The following NTRK2 variants were observed in gnomAD, a reference collection of about 807,000 sequenced individuals.
NTRK2 encodes BDNF/NT-3 growth factors receptor.
Under a neutral mutation model 94.5 loss-of-function variants are expected in NTRK2, and 13 were observed. That is an observed-to-expected ratio of 0.14 (90% CI 0.09 to 0.22). The LOEUF (loss-of-function observed/expected upper bound fraction) is 0.22. NTRK2 is among the 10% of genes least tolerant of loss of function. The probability of loss-of-function intolerance (pLI) is 1.00; values close to 1 mark genes in which losing one functional copy is unlikely to be tolerated. For missense variants in NTRK2, 639 were observed against 1,071.2 expected, an observed-to-expected ratio of 0.60 and a Z score of 5.63; for synonymous variants, 372 against 407.4, an observed-to-expected ratio of 0.91 and a Z score of 1.05.
chr9:84,834,293 A>G (rs980317438), intron 12 of NTRK2, among the ~76,000 whole-genome samples: 1 of 152,212 alleles, frequency 6.6e-6, no homozygotes, highest in African/African-American at 2.4e-5. Flanking sequence ...ATTTAAATTT[A>G]GCTGGGAATT....
intron 5 of NTRK2, 50 bp downstream of exon 5, chr9:84,707,962 G>T (rs762212214): frequency 1.4e-6 from 2 of 1,441,854 alleles, no homozygotes. Context: ...CAAAGGAAGG[G>T]GTAATTAAGT....
At chr9:84,835,991 G>T (rs1292620056) in intron 12 of NTRK2, among the ~76,000 whole-genome samples, 1 of 152,172 alleles carries the variant, frequency 6.6e-6, no homozygotes, top group Non-Finnish European at 1.5e-5. Context: ...CTCGTGTATT[G>T]TGCCAAGGCA....
chr9:84,718,881 T>C (rs2061880305), intron 6 of NTRK2, among the ~76,000 whole-genome samples: 1 of 152,220 alleles, frequency 6.6e-6, no homozygotes, highest in Non-Finnish European at 1.5e-5. Context: ...TTGGCCAGCA[T>C]ATTAACGCTG....
rs2118062508 is a variant in NTRK2 at position 85,022,946 on chromosome 9, G to A, written c.*1509G>A. 1 of 233,216 alleles carries A rather than the reference G, an allele frequency of 4.3e-6. No homozygotes were observed. The highest frequency in any genetic ancestry group is 2.2e-5 in the African/African-American group (1 of 45,460). 14.4% of individuals were successfully genotyped at this position (233,216 alleles called of 1,614,324 possible). On this transcript the variant is annotated 3_prime_UTR_variant, in exon 19 of 19. Coordinates refer to ENST00000277120, the MANE Select transcript of NTRK2 (RefSeq NM_006180.6). Reference sequence around the variant, plus strand: ...CTCATGTTCAGTGTACACAGGTCAAGTCCCTTGCTCTGGGCTCTAGTTGGG... The same window carrying A: ...CTCATGTTCAGTGTACACAGGTCAAATCCCTTGCTCTGGGCTCTAGTTGGG...
At chr9:84,872,563 C>G in intron 14 of NTRK2, 1 of 1,062,966 alleles carries the variant, frequency 9.4e-7, no homozygotes, top group Non-Finnish European at 1.1e-6. Flanking sequence ...GTGCCTAGGG[C>G]TAGTAACTCC....
chr9:84,677,863 A>G (rs539824954), intron 2 of NTRK2, among the ~76,000 whole-genome samples: 29 of 152,276 alleles, frequency 1.9e-4, no homozygotes, highest in African/African-American at 6.3e-4. Flanking sequence ...TCTGATATAT[A>G]TTGTGAAGAG....
intron 17 of NTRK2, among the ~76,000 whole-genome samples, chr9:85,001,060 C>A (rs1830282091): frequency 1.3e-5 from 2 of 152,172 alleles, no homozygotes; most frequent in Admixed American, 6.5e-5. Context: ...TTTCAGTTCA[C>A]TTTTAGTTAT....
intron 12 of NTRK2, among the ~76,000 whole-genome samples, chr9:84,796,471 C>T (rs1007694374): frequency 2.6e-5 from 4 of 152,148 alleles, no homozygotes; most frequent in African/African-American, 9.7e-5. Context: ...GGATCCTTTC[C>T]ATCCAGGGTA....
chr9:84,722,809 T>C (rs574681668), intron 6 of NTRK2, among the ~76,000 whole-genome samples: 64 of 152,340 alleles, frequency 4.2e-4, no homozygotes, highest in African/African-American at 1.5e-3. Flanking sequence ...TGCTGGACTA[T>C]TAAAAATGTT....
At chr9:84,934,451 G>A (rs2078145337) in intron 15 of NTRK2, among the ~76,000 whole-genome samples, 159 bp downstream of exon 15, 1 of 152,182 alleles carries the variant, frequency 6.6e-6, no homozygotes, top group African/African-American at 2.4e-5. Flanking sequence ...CAGTGGAAAG[G>A]ACATTTGGGG....
chr9:84,858,729 A>T (rs1255312907), intron 12 of NTRK2, among the ~76,000 whole-genome samples: 1 of 151,674 alleles, frequency 6.6e-6, no homozygotes, highest in African/African-American at 2.4e-5. Flanking sequence ...CTCTTTGAAG[A>T]CTGTTCTGCC....
chr9:84,933,732 A>C (rs17087884), intron 14 of NTRK2, among the ~76,000 whole-genome samples: 9,394 of 152,250 alleles, frequency 0.062, 386 homozygotes, highest in Admixed American at 0.12. Context: ...TGTCTCCCTT[A>C]GGAATCTGAG....
At chr9:84,850,781 T>C (rs2074726638) in intron 12 of NTRK2, among the ~76,000 whole-genome samples, 1 of 152,134 alleles carries the variant, frequency 6.6e-6, no homozygotes, top group Non-Finnish European at 1.5e-5. Flanking sequence ...GAAACGCCCT[T>C]TTGGTGTTGG....
rs987601117 is a variant in NTRK2 at position 84,810,400 on chromosome 9, A to G, written c.1397-50640A>G. On this transcript the variant is annotated intron_variant, in intron 12 of 18. Transcript: ENST00000277120. ...CTGTTCTGTTATTATATATTGCTCT[A>G]TGGTTTAAAGTGTATTCCATGTTGT... 2.1e-5 allele frequency: 17 copies of G among 794,600 alleles called. No homozygotes were observed. The Admixed American group carries it at 2.3e-4, about 11-fold the overall frequency. 49.2% of individuals were successfully genotyped at this position (794,600 alleles called of 1,614,324 possible). A position where few individuals can be genotyped will look rare whatever the true frequency, so the allele number is the denominator to read the frequency against.
chr9:84,900,647 C>T (rs767057863), intron 14 of NTRK2, among the ~76,000 whole-genome samples: 3 of 152,108 alleles, frequency 2.0e-5, no homozygotes, highest in Non-Finnish European at 4.4e-5. Flanking sequence ...AAAATATGTG[C>T]ACTTGTGAGT....
At chr9:84,732,464 G>A (rs1360364836) in intron 9 of NTRK2, among the ~76,000 whole-genome samples, 1 of 152,210 alleles carries the variant, frequency 6.6e-6, no homozygotes. Flanking sequence ...GAGCAACCAG[G>A]AGTGAGCCTC....
intron 12 of NTRK2, among the ~76,000 whole-genome samples, chr9:84,757,569 A>C (rs1239841452): frequency 6.6e-6 from 1 of 152,214 alleles, no homozygotes; most frequent in Non-Finnish European, 1.5e-5. Flanking sequence ...GACTTTGAGC[A>C]AATATCTCAT....
At chr9:84,699,861 T>A (rs1055761316) in intron 2 of NTRK2, among the ~76,000 whole-genome samples, 3 of 152,238 alleles carry the variant, frequency 2.0e-5, no homozygotes, top group African/African-American at 4.8e-5. Context: ...GCTGGTTCGT[T>A]GTATTCTATT....
intron 15 of NTRK2, among the ~76,000 whole-genome samples, chr9:84,938,944 T>C (rs1373665791): frequency 6.7e-6 from 1 of 148,558 alleles, no homozygotes; most frequent in African/African-American, 2.5e-5. Context: ...CCCAGCTACT[T>C]GGTAGGCTGA....
Sources: gnomAD v4.1 joint callset for allele counts (sites outside exome capture counted in the v4.1 genomes callset) on GRCh38, gnomAD v4.1.1 for gene constraint, MANE v1.5 for transcripts, NCBI Gene and HGNC (gene_info 2026-07-23, HGNC 2026-07-21) for gene names.